The following NXPH1 variants were observed in gnomAD, a reference collection of about 807,000 sequenced individuals.
NXPH1 encodes neurexophilin 1.
NXPH1 carries 5 observed loss-of-function variants against 23.7 expected under a neutral mutation model. That is an observed-to-expected ratio of 0.21 (90% confidence interval 0.11 to 0.44). NXPH1 has a LOEUF of 0.44. NXPH1 is among the 20% of genes least tolerant of loss of function. The pLI is 0.99. For missense variants in NXPH1, 324 were observed against 321.6 expected, an observed-to-expected ratio of 1.01 and a Z score of -0.06; for synonymous variants, 144 against 122.2, an observed-to-expected ratio of 1.18 and a Z score of -1.18.
chr7:8,656,185 G>T (rs759102658), intron 2 of NXPH1, among the ~76,000 whole-genome samples: 1 of 152,134 alleles, frequency 6.6e-6, no homozygotes, highest in Admixed American at 6.6e-5. Flanking sequence ...ACGTAGCAAA[G>T]GCAAAATATT....
chr7:8,591,846 CT>C (rs111935394), intron 2 of NXPH1, among the ~76,000 whole-genome samples: 3,756 of 140,842 alleles, frequency 0.027, 89 homozygotes, highest in African/African-American at 0.055. Context: ...GCTGAGGTTT[CT>C]TTTTTTTTTT....
chr7:8,466,784 CT>C (rs891731473), intron 2 of NXPH1, among the ~76,000 whole-genome samples: 2 of 152,132 alleles, frequency 1.3e-5, no homozygotes, highest in Non-Finnish European at 2.9e-5. Context: ...TGAAAATTTA[CT>C]TTTCTTTCTG....
chr7:8,473,024 T>C (rs1228984895), intron 2 of NXPH1, among the ~76,000 whole-genome samples: 2 of 152,202 alleles, frequency 1.3e-5, no homozygotes, highest in Admixed American at 6.5e-5. Flanking sequence ...ACCAGTGTTA[T>C]GTGCTGCTCT....
intron 2 of NXPH1, among the ~76,000 whole-genome samples, chr7:8,483,300 T>C (rs541327795): frequency 5.3e-5 from 8 of 152,320 alleles, no homozygotes; most frequent in African/African-American, 1.9e-4. Context: ...TTTTAAGCAT[T>C]GCTCTTAGCA....
intron 2 of NXPH1, among the ~76,000 whole-genome samples, chr7:8,687,933 C>T (rs1821171816): frequency 6.6e-6 from 1 of 151,760 alleles, no homozygotes; most frequent in Non-Finnish European, 1.5e-5. Context: ...GCTTTTTTTC[C>T]ACGTGGTACA....
intron 2 of NXPH1, among the ~76,000 whole-genome samples, chr7:8,516,729 T>A (rs941645313): frequency 3.3e-5 from 5 of 152,132 alleles, no homozygotes; most frequent in African/African-American, 1.2e-4. Context: ...TTTAGAACTT[T>A]AGTGAGAAGT....
intron 2 of NXPH1, among the ~76,000 whole-genome samples, chr7:8,641,281 T>C (rs76970683): frequency 0.064 from 9,708 of 152,226 alleles, 478 homozygotes; most frequent in East Asian, 0.17. Flanking sequence ...CAGTTTAATA[T>C]TAAATAATAA....
chr7:8,462,418 C>G (rs1563317290), intron 2 of NXPH1, among the ~76,000 whole-genome samples: 2 of 152,188 alleles, frequency 1.3e-5, no homozygotes, highest in African/African-American at 2.4e-5. Flanking sequence ...CAAATGTTAA[C>G]TCATTTAATC....
At chr7:8,587,171 C>A (rs916054964) in intron 2 of NXPH1, among the ~76,000 whole-genome samples, 1 of 152,026 alleles carries the variant, frequency 6.6e-6, no homozygotes, top group Non-Finnish European at 1.5e-5. Context: ...AACCTTAATA[C>A]CTTTGTGACA....
intron 2 of NXPH1, among the ~76,000 whole-genome samples, chr7:8,519,120 C>G (rs920853180): frequency 6.6e-6 from 1 of 152,108 alleles, no homozygotes; most frequent in African/African-American, 2.4e-5. Context: ...TATGGCTAAG[C>G]CTCATTAGTA....
chr7:8,473,658 A>G (rs1816911530), intron 2 of NXPH1, among the ~76,000 whole-genome samples: 1 of 151,026 alleles, frequency 6.6e-6, no homozygotes, highest in Non-Finnish European at 1.5e-5. Flanking sequence ...AAATAAGCTT[A>G]TATTATCATT....
At chr7:8,629,058 T>A (rs1189858795) in intron 2 of NXPH1, among the ~76,000 whole-genome samples, 3 of 151,824 alleles carry the variant, frequency 2.0e-5, no homozygotes, top group East Asian at 3.9e-4. Context: ...AAGAAATGAA[T>A]AAAAACAAAT....
intron 2 of NXPH1, among the ~76,000 whole-genome samples, chr7:8,677,648 A>C (rs537119241): frequency 4.3e-4 from 65 of 152,280 alleles, no homozygotes; most frequent in Non-Finnish European, 7.1e-4. Context: ...TGAAAAAAGA[A>C]AGAAAGAAAC....
At chr7:8,549,025 T>G (rs1374480840) in intron 2 of NXPH1, among the ~76,000 whole-genome samples, 1 of 151,568 alleles carries the variant, frequency 6.6e-6, no homozygotes, top group Non-Finnish European at 1.5e-5. Context: ...GTAGAACTCC[T>G]TTGTTTAATA....
chr7:8,486,025 A>C (rs1278242300), intron 2 of NXPH1, among the ~76,000 whole-genome samples: 2 of 152,162 alleles, frequency 1.3e-5, no homozygotes, highest in Admixed American at 1.3e-4. Flanking sequence ...AAATGCCTAG[A>C]AAGAGTTACT....
intron 2 of NXPH1, among the ~76,000 whole-genome samples, chr7:8,436,108 G>GCA (rs1164014144): frequency 6.6e-6 from 1 of 152,182 alleles, no homozygotes; most frequent in Non-Finnish European, 1.5e-5. Context: ...AGTAGCTCAT[G>GCA]CACAGAGTTT....
At chr7:8,652,085 A>G (rs1164315931) in intron 2 of NXPH1, among the ~76,000 whole-genome samples, 1 of 152,122 alleles carries the variant, frequency 6.6e-6, no homozygotes, top group African/African-American at 2.4e-5. Flanking sequence ...CCAATTTACG[A>G]AGGACTTATT....
rs76128186 is a variant in NXPH1, at chr7:8,492,249, G to A, written c.54+56482G>A. On this transcript the variant is annotated intron_variant, in intron 2 of 2. Coordinates refer to ENST00000405863, the MANE Select transcript of NXPH1 (RefSeq NM_152745.3). ...AGCATAGTTATTCCTACGTTTTGAC[G>A]TGCTAATCTTGTTACTTGCCTTATC... Among the ~76,000 whole-genome samples, 1,059 of 151,946 alleles carry A rather than the reference G, an allele frequency of 7.0e-3. 9 individuals carry two copies. The highest frequency in any genetic ancestry group is 0.024 in the African/African-American group (1,008 of 41,460).
intron 2 of NXPH1, among the ~76,000 whole-genome samples, chr7:8,514,421 G>A (rs550566420): frequency 2.0e-5 from 3 of 152,238 alleles, no homozygotes; most frequent in Admixed American, 6.5e-5. Context: ...GTTGCACAGC[G>A]AATAGCAGAC....
Sources: allele counts gnomAD v4.1 joint callset (sites outside exome capture counted in the v4.1 genomes callset), GRCh38; gene constraint gnomAD v4.1.1; transcripts MANE v1.5; gene names NCBI Gene and HGNC (gene_info 2026-07-23, HGNC 2026-07-21).